VPS35L: variants seen among roughly 807,000 people sequenced by gnomAD.
The protein encoded by VPS35L is VPS35 endosomal protein-sorting factor-like.
In VPS35L, 83 loss-of-function variants were observed where a neutral mutation model predicts 133.0. That is an observed-to-expected ratio of 0.62 (90% CI 0.52 to 0.75). The LOEUF (loss-of-function observed/expected upper bound fraction) is 0.75, where lower values mean the gene tolerates loss of function less well. Among genes scored for constraint, VPS35L ranks in the 30% least tolerant of loss-of-function variants. The pLI is 0.00. For synonymous variants in VPS35L, 423 were observed against 449.9 expected (o/e 0.94, Z 0.76); for missense variants, 1,083 against 1,206.8 (o/e 0.90, Z 1.52).
intron 14 of VPS35L, among the ~76,000 whole-genome samples, chr16:19,620,225 C>A (rs1973033108): frequency 6.6e-6 from 1 of 152,136 alleles, no homozygotes; most frequent in Non-Finnish European, 1.5e-5. Context: ...TTATAAATAA[C>A]CTAATCTGGA....
chr16:19,688,594 G>A (rs1227381419), intron 28 of VPS35L, among the ~76,000 whole-genome samples: 1 of 152,130 alleles, frequency 6.6e-6, no homozygotes, highest in South Asian at 2.1e-4. Flanking sequence ...AGCGAGTGCC[G>A]CCGCCGCACC....
Position 19,627,746 on chromosome 16 carries a change from A to G in VPS35L, c.1324A>G (p.Thr442Ala). 6.2e-7 allele frequency: 1 copy of G among 1,614,150 alleles called. No homozygotes were observed. Among genetic ancestry groups the G allele is most frequent in the Non-Finnish European group, 8.5e-7 (1 of 1,179,996 alleles). ...TGCCTTCCGGGCTGAGTTCATCGCC[A>G]CAAGGTCTATGGATTTCATTGGCAT... ...MSAFRAEFIA[T>A]RSMDFIGMIK... is the part of the protein sequence containing the mutation. The change falls in exon 16 of 31, where the codon ACA becomes GCA. Residue 442 changes from threonine (T) to alanine (A), a missense_variant. Physicochemically the swap from Thr to Ala is moderately conservative, Grantham distance 58. Coordinates refer to ENST00000417362, the MANE Select transcript of VPS35L (RefSeq NM_020314.7).
intron 21 of VPS35L, among the ~76,000 whole-genome samples, chr16:19,640,331 C>G (rs1174166097): frequency 6.6e-6 from 1 of 152,098 alleles, no homozygotes; most frequent in East Asian, 1.9e-4. Context: ...GAAAACCACA[C>G]TGGAAGGAAA....
At chr16:19,697,657 G>A (rs61696583) in intron 29 of VPS35L, among the ~76,000 whole-genome samples, 8,206 of 152,174 alleles carry the variant, frequency 0.054, 686 homozygotes, top group African/African-American at 0.18. Context: ...TTTAGCCACC[G>A]AGAGTAGTTG....
chr16:19,566,547 T>C (rs570466159), intron 2 of VPS35L, among the ~76,000 whole-genome samples: 2 of 152,192 alleles, frequency 1.3e-5, no homozygotes, highest in South Asian at 4.2e-4. Context: ...GGAGCTTAAT[T>C]GAGCAAAGAA....
At chr16:19,683,437 C>G (rs924525422) in intron 28 of VPS35L, among the ~76,000 whole-genome samples, 1 of 152,278 alleles carries the variant, frequency 6.6e-6, no homozygotes, top group Admixed American at 6.5e-5. Flanking sequence ...TTTTTCAGCC[C>G]TTGTCCCCTC....
At chr16:19,676,763 T>G (rs1975076852) in intron 27 of VPS35L, among the ~76,000 whole-genome samples, 1 of 152,132 alleles carries the variant, frequency 6.6e-6, no homozygotes, top group Non-Finnish European at 1.5e-5. Context: ...GATCCAGGAA[T>G]TAAGGAGTGA....
chr16:19,662,676 T>G (rs1181558828), intron 26 of VPS35L, among the ~76,000 whole-genome samples: 1 of 152,156 alleles, frequency 6.6e-6, no homozygotes, highest in Non-Finnish European at 1.5e-5. Context: ...CCACATTCAC[T>G]TACTATTTGC....
intron 10 of VPS35L, 83 bp downstream of exon 10, chr16:19,608,357 A>T: frequency 1.9e-6 from 2 of 1,029,270 alleles, no homozygotes; most frequent in South Asian, 1.3e-5. Flanking sequence ...ATGTGATGGG[A>T]TGCCCTGACA....
At chr16:19,600,689 C>G (rs1055654590) in intron 8 of VPS35L, among the ~76,000 whole-genome samples, 1 of 152,182 alleles carries the variant, frequency 6.6e-6, no homozygotes, top group African/African-American at 2.4e-5. Context: ...AGTTGAATCT[C>G]AAATTCTGAG....
Position 19,555,727 on chromosome 16 carries a change from A to G in VPS35L, c.-3A>G. 6.3e-7 allele frequency: 1 copy of G among 1,592,812 alleles called. No individual in the cohort carries two copies. Among genetic ancestry groups the G allele is most frequent in the South Asian group, 1.1e-5 (1 of 88,482 alleles). ...CAGAACAAGCGGTCATGTGACTGGG[A>G]AGATGGCCGTCTTTCCTTGGTAAGG... On this transcript the variant is annotated 5_prime_UTR_variant, in exon 1 of 31. Transcript: ENST00000417362.
At chr16:19,650,146 A>G (rs1345407465) in intron 24 of VPS35L, among the ~76,000 whole-genome samples, 1 of 152,186 alleles carries the variant, frequency 6.6e-6, no homozygotes, top group Non-Finnish European at 1.5e-5. Context: ...AAAAGGCATG[A>G]CTGACGTAGC....
chr16:19,564,148 AGCTTACTGCAACCTCC>A (rs1410093842), intron 1 of VPS35L, among the ~76,000 whole-genome samples: 1 of 152,064 alleles, frequency 6.6e-6, no homozygotes. Context: ...GCATGATCTC[AGCTTACTGCAACCTCC>A]GCCTCCTGGT....
chr16:19,632,405 G>A (rs1040259267), intron 18 of VPS35L, among the ~76,000 whole-genome samples: 2 of 152,150 alleles, frequency 1.3e-5, no homozygotes, highest in Admixed American at 6.5e-5. Context: ...TACTTTTGAT[G>A]TATAAGTTCT....
intron 9 of VPS35L, among the ~76,000 whole-genome samples, chr16:19,605,631 C>T (rs1212784758): frequency 6.6e-6 from 1 of 152,210 alleles, no homozygotes; most frequent in Non-Finnish European, 1.5e-5. Flanking sequence ...GTTTCTTCCA[C>T]ATCTAGGCAT....
At chr16:19,568,410 G>A (rs1204067643) in intron 2 of VPS35L, among the ~76,000 whole-genome samples, 1 of 139,800 alleles carries the variant, frequency 7.2e-6, no homozygotes, top group South Asian at 2.3e-4. Context: ...CATTTTTCAT[G>A]TTTTTTTTTT....
At chr16:19,565,404 G>A (rs183386951) in intron 2 of VPS35L, among the ~76,000 whole-genome samples, 11 of 151,464 alleles carry the variant, frequency 7.3e-5, no homozygotes, top group Admixed American at 5.3e-4. Context: ...GTGCAGTGGT[G>A]TGATCTTAGC....
chr16:19,588,762 G>A (rs1971952198), intron 7 of VPS35L, among the ~76,000 whole-genome samples: 1 of 152,152 alleles, frequency 6.6e-6, no homozygotes, highest in Non-Finnish European at 1.5e-5. Context: ...GGTCACGTCT[G>A]CTGGTGCCCA....
intron 17 of VPS35L, 94 bp from the exon 18 acceptor site, chr16:19,629,673 C>T: frequency 9.5e-7 from 1 of 1,048,816 alleles, no homozygotes; most frequent in South Asian, 1.5e-5. Context: ...ATTCCCGTTT[C>T]CAACCATTGA....
Sources: gnomAD v4.1 joint callset for allele counts (sites outside exome capture counted in the v4.1 genomes callset) on GRCh38, gnomAD v4.1.1 for gene constraint, MANE v1.5 for transcripts, NCBI Gene and HGNC (gene_info 2026-07-23, HGNC 2026-07-21) for gene names.